GRM5: variants seen among roughly 807,000 people sequenced by gnomAD.
The protein encoded by GRM5 is metabotropic glutamate receptor 5.
In GRM5, 19 loss-of-function variants were observed where a neutral mutation model predicts 83.1. The ratio of observed to expected loss-of-function variants is 0.23; its 90% CI spans 0.16 to 0.34. The LOEUF is 0.34. Among genes scored for constraint, GRM5 ranks in the 10% least tolerant of loss-of-function variants. The pLI, the probability that GRM5 is intolerant of heterozygous loss-of-function variation, is 1.00. For missense variants in GRM5, 1,160 were observed against 1,588.3 expected, an observed-to-expected ratio of 0.73 and a Z score of 4.58; for synonymous variants, 675 against 633.6, an observed-to-expected ratio of 1.07 and a Z score of -0.98.
chr11:88,587,936 A>C (rs1453883973), intron 7 of GRM5, among the ~76,000 whole-genome samples: 2 of 152,182 alleles, frequency 1.3e-5, no homozygotes, highest in Non-Finnish European at 2.9e-5. Context: ...ATAAATGTAC[A>C]TGCTTTTCTC....
intron 2 of GRM5, among the ~76,000 whole-genome samples, chr11:88,981,259 T>A (rs563458546): frequency 3.9e-5 from 6 of 152,326 alleles, no homozygotes; most frequent in Admixed American, 3.9e-4. Context: ...TGAACCTTTT[T>A]ACCCAAATAT....
intron 3 of GRM5, among the ~76,000 whole-genome samples, chr11:88,757,885 CCCA>C (rs1942429667): frequency 6.6e-6 from 1 of 152,092 alleles, no homozygotes; most frequent in East Asian, 1.9e-4. Flanking sequence ...TCCCCAACCG[CCCA>C]CCGATTGTAG....
intron 4 of GRM5, among the ~76,000 whole-genome samples, chr11:88,648,653 TAAA>T (rs66739287): frequency 5.3e-4 from 79 of 148,448 alleles, no homozygotes; most frequent in South Asian, 1.3e-3. Context: ...TAAAGTATAA[TAAA>T]AAAAAAAAAA....
chr11:89,003,821 C>G (rs1037358471), intron 2 of GRM5, among the ~76,000 whole-genome samples: 2 of 152,056 alleles, frequency 1.3e-5, no homozygotes, highest in African/African-American at 4.8e-5. Context: ...GTGTTTGATC[C>G]AGCCCTGTTG....
At chr11:88,751,728 C>A (rs1418875933) in intron 3 of GRM5, among the ~76,000 whole-genome samples, 1 of 152,148 alleles carries the variant, frequency 6.6e-6, no homozygotes, top group African/African-American at 2.4e-5. Context: ...CTGAATCCAG[C>A]AGCACATCAA....
chr11:88,900,855 G>C (rs1457867514), intron 2 of GRM5, among the ~76,000 whole-genome samples: 5 of 152,066 alleles, frequency 3.3e-5, no homozygotes, highest in Admixed American at 3.3e-4. Context: ...GTCTTGTTTG[G>C]GATGGTTTTC....
chr11:88,982,970 G>A (rs1409114045), intron 2 of GRM5, among the ~76,000 whole-genome samples: 1 of 152,186 alleles, frequency 6.6e-6, no homozygotes, highest in Non-Finnish European at 1.5e-5. Context: ...GGAAGCTGAA[G>A]CTGGAGAATT....
At chr11:88,949,640 T>C (rs1938392018) in intron 2 of GRM5, among the ~76,000 whole-genome samples, 1 of 152,198 alleles carries the variant, frequency 6.6e-6, no homozygotes, top group African/African-American at 2.4e-5. Context: ...TAATAACGCA[T>C]AGATTTTTAA....
chr11:88,680,173 T>C (rs1451604217), intron 3 of GRM5, among the ~76,000 whole-genome samples: 1 of 152,200 alleles, frequency 6.6e-6, no homozygotes, highest in Non-Finnish European at 1.5e-5. Flanking sequence ...GTAGGTGTGC[T>C]GCACCCAATA....
intron 8 of GRM5, among the ~76,000 whole-genome samples, chr11:88,537,642 G>T (rs141285434): frequency 4.6e-5 from 7 of 152,188 alleles, no homozygotes; most frequent in African/African-American, 1.7e-4. Context: ...CTATTGCAAG[G>T]TAATTCCTTT....
At chr11:88,594,391 C>G (rs918293699) in intron 6 of GRM5, among the ~76,000 whole-genome samples, 1 of 152,190 alleles carries the variant, frequency 6.6e-6, no homozygotes, top group Non-Finnish European at 1.5e-5. Flanking sequence ...TTGGGCCATA[C>G]AGTCTCTATT....
intron 2 of GRM5, among the ~76,000 whole-genome samples, chr11:88,919,541 T>C (rs594156): frequency 0.96 from 144,501 of 150,938 alleles, 69,258 homozygotes; most frequent in East Asian, 0.99. Flanking sequence ...GCACTATAGA[T>C]CAAATGGATC....
Position 89,020,678 on chromosome 11 carries a change from G to A in GRM5, c.661+26534C>T, listed in dbSNP as rs143435425. ...ATCGATTCCAGCTTCATGCCTATCT[G>A]GTTTTTGATGAATTAATGATCCATT... On this transcript the variant is annotated intron_variant, in intron 2 of 9. Coordinates refer to ENST00000305447, the MANE Select transcript of GRM5 (RefSeq NM_001143831.3). Among the ~76,000 whole-genome samples the A allele has an allele frequency of 6.6e-5, 10 of 152,158 alleles. No individual in the cohort carries two copies. In the East Asian group the frequency reaches 1.7e-3, roughly 26 times the overall value.
At chr11:88,873,848 G>A (rs1216611192) in intron 2 of GRM5, among the ~76,000 whole-genome samples, 1 of 151,724 alleles carries the variant, frequency 6.6e-6, no homozygotes, top group South Asian at 2.1e-4. Flanking sequence ...GTAACAGAGT[G>A]AAGAAATAAT....
chr11:88,885,450 G>GTTTTTTTTTTTTTTTTTTTTT (rs61456975), intron 2 of GRM5, among the ~76,000 whole-genome samples: 1 of 62,664 alleles, frequency 1.6e-5, no homozygotes, highest in African/African-American at 5.9e-5. Flanking sequence ...TAGGTACCAT[G>GTTTTTTTTTTTTTTTTTTTTT]TTTTTTTTTT....
At chr11:88,542,536 G>A (rs892891489) in intron 8 of GRM5, among the ~76,000 whole-genome samples, 3 of 152,120 alleles carry the variant, frequency 2.0e-5, no homozygotes, top group Non-Finnish European at 4.4e-5. Flanking sequence ...AGATCTATTG[G>A]TCACAAAGTT....
At chr11:88,573,869 T>C (rs1405965018) in intron 7 of GRM5, among the ~76,000 whole-genome samples, 1 of 152,236 alleles carries the variant, frequency 6.6e-6, no homozygotes, top group Admixed American at 6.5e-5. Context: ...CACAGGGTGA[T>C]ACAGAATCAG....
At chr11:88,807,181 A>G (rs1432453456) in intron 3 of GRM5, among the ~76,000 whole-genome samples, 2 of 152,174 alleles carry the variant, frequency 1.3e-5, no homozygotes, top group Non-Finnish European at 2.9e-5. Flanking sequence ...ACAGTTTTAA[A>G]AAATGCTTAT....
chr11:88,835,661 G>A (rs1944081288), intron 3 of GRM5, among the ~76,000 whole-genome samples: 1 of 151,968 alleles, frequency 6.6e-6, no homozygotes, highest in Non-Finnish European at 1.5e-5. Flanking sequence ...GGGGATGATG[G>A]GATGAGGAAA....
Sources: allele counts gnomAD v4.1 joint callset (sites outside exome capture counted in the v4.1 genomes callset), GRCh38; gene constraint gnomAD v4.1.1; transcripts MANE v1.5; gene names NCBI Gene and HGNC (gene_info 2026-07-23, HGNC 2026-07-21).